APP: variants seen among roughly 807,000 people sequenced by gnomAD.
APP encodes the protein amyloid-beta precursor protein.
Under a neutral mutation model 101.4 loss-of-function variants are expected in APP, and 31 were observed. The ratio of observed to expected loss-of-function variants is 0.31; its 90% CI spans 0.23 to 0.41. The LOEUF (loss-of-function observed/expected upper bound fraction) is 0.41. Among genes scored for constraint, APP ranks in the 10% least tolerant of loss-of-function variants. The pLI is 1.00. For missense variants in APP, 839 were observed against 1,003.7 expected, an observed-to-expected ratio of 0.84 and a Z score of 2.22; for synonymous variants, 366 against 364.4, an observed-to-expected ratio of 1.00 and a Z score of -0.05.
At chr21:26,022,792 G>A (rs2044401862) in intron 5 of APP, among the ~76,000 whole-genome samples, 1 of 152,236 alleles carries the variant, frequency 6.6e-6, no homozygotes, top group Non-Finnish European at 1.5e-5. Context: ...TATGCTGGTG[G>A]AAATTGGTTT....
intron 13 of APP, among the ~76,000 whole-genome samples, chr21:25,946,290 C>T (rs896756456): frequency 2.0e-5 from 3 of 152,162 alleles, no homozygotes; most frequent in African/African-American, 7.2e-5. Context: ...ATACAACCTA[C>T]AGAATGGGTA....
At chr21:26,102,943 A>C (rs553426636) in intron 2 of APP, among the ~76,000 whole-genome samples, 1 of 149,940 alleles carries the variant, frequency 6.7e-6, no homozygotes, top group South Asian at 2.1e-4. Flanking sequence ...GTTGTATTCG[A>C]GTTGTTTCCA....
intron 14 of APP, among the ~76,000 whole-genome samples, chr21:25,911,431 AT>A (rs1421409582): frequency 1.1e-4 from 16 of 152,242 alleles, no homozygotes; most frequent in African/African-American, 3.6e-4. Flanking sequence ...TGCAAATGTT[AT>A]GTAAATCATT....
chr21:26,048,606 T>C (rs987824604), intron 5 of APP, among the ~76,000 whole-genome samples: 1 of 152,184 alleles, frequency 6.6e-6, no homozygotes, highest in Non-Finnish European at 1.5e-5. Flanking sequence ...CTAATATTTA[T>C]TGAGGACCTA....
chr21:26,060,850 T>C (rs973501748), intron 3 of APP, among the ~76,000 whole-genome samples: 28 of 152,098 alleles, frequency 1.8e-4, no homozygotes, highest in Admixed American at 1.8e-3. Flanking sequence ...AGTGCTGTCG[T>C]GGAGGAATGA....
intron 1 of APP, among the ~76,000 whole-genome samples, chr21:26,113,910 T>G (rs1320809727): frequency 6.6e-6 from 1 of 152,160 alleles, no homozygotes; most frequent in African/African-American, 2.4e-5. Flanking sequence ...CAAATAATAA[T>G]CAGATACCTG....
intron 2 of APP, among the ~76,000 whole-genome samples, chr21:26,097,016 T>A (rs907749808): frequency 5.3e-5 from 8 of 152,168 alleles, no homozygotes; most frequent in African/African-American, 1.7e-4. Flanking sequence ...TGCATTTGGA[T>A]TCTAGGAGAT....
intron 13 of APP, among the ~76,000 whole-genome samples, chr21:25,917,765 T>C (rs1009947342): frequency 6.6e-6 from 1 of 152,132 alleles, no homozygotes; most frequent in African/African-American, 2.4e-5. Context: ...GATCTGAATC[T>C]ATCCATCTGA....
At chr21:26,066,481 C>A (rs1330437295) in intron 3 of APP, among the ~76,000 whole-genome samples, 2 of 150,448 alleles carry the variant, frequency 1.3e-5, no homozygotes, top group Non-Finnish European at 3.0e-5. Flanking sequence ...CACCTCCACT[C>A]CCCATTCCCC....
intron 1 of APP, among the ~76,000 whole-genome samples, chr21:26,159,135 T>A (rs914156145): frequency 6.6e-6 from 1 of 151,782 alleles, no homozygotes; most frequent in Non-Finnish European, 1.5e-5. Flanking sequence ...TAGGCTGGAG[T>A]GCAGTGGCAC....
intron 3 of APP, among the ~76,000 whole-genome samples, chr21:26,072,147 A>C (rs959643927): frequency 6.6e-6 from 1 of 152,356 alleles, no homozygotes; most frequent in South Asian, 2.1e-4. Context: ...TGGTGTACCA[A>C]GTATGTACAA....
intron 3 of APP, among the ~76,000 whole-genome samples, chr21:26,087,590 G>A (rs1482001779): frequency 6.6e-6 from 1 of 152,202 alleles, no homozygotes; most frequent in Non-Finnish European, 1.5e-5. Context: ...GCCTTGGCAG[G>A]AATAAACTCC....
At chr21:25,891,625 T>C (rs745774335) in intron 17 of APP, 97 bp downstream of exon 17, 14 of 1,275,332 alleles carry the variant, frequency 1.1e-5, no homozygotes, top group Non-Finnish European at 1.6e-5. Context: ...GATTCGTTTT[T>C]TAAAAGAGAT....
intron 6 of APP, among the ~76,000 whole-genome samples, chr21:26,002,399 T>C (rs2043337917): frequency 6.6e-6 from 1 of 152,282 alleles, no homozygotes; most frequent in Non-Finnish European, 1.5e-5. Flanking sequence ...TCCCATCAAC[T>C]ATAGCCAGCA....
At chr21:25,984,987 T>C (rs1462935314) in intron 8 of APP, among the ~76,000 whole-genome samples, 1 of 152,180 alleles carries the variant, frequency 6.6e-6, no homozygotes, top group East Asian at 1.9e-4. Flanking sequence ...AGGAAATTTT[T>C]TCAGCTCCTA....
intron 13 of APP, among the ~76,000 whole-genome samples, chr21:25,951,167 A>G (rs2041059549): frequency 6.6e-6 from 1 of 152,222 alleles, no homozygotes; most frequent in Non-Finnish European, 1.5e-5. Flanking sequence ...CACAAGCATG[A>G]TGAACCCTAT....
chr21:26,158,021 C>A (rs1399818479), intron 1 of APP: 1 of 152,208 alleles, frequency 6.6e-6, no homozygotes, highest in Admixed American at 6.5e-5. Flanking sequence ...AGTTAACCAA[C>A]AGGGAGAGTA....
intron 13 of APP, among the ~76,000 whole-genome samples, chr21:25,922,996 T>C (rs1427626679): frequency 2.0e-5 from 3 of 148,570 alleles, no homozygotes; most frequent in Non-Finnish European, 3.0e-5. Context: ...AAGGCTACAG[T>C]AACCGAAACA....
At chr21:25,912,934 A>G (rs1396079775) in intron 13 of APP, among the ~76,000 whole-genome samples, 1 of 152,198 alleles carries the variant, frequency 6.6e-6, no homozygotes, top group East Asian at 1.9e-4. Flanking sequence ...TCTGATTTTT[A>G]CAAATTAGAG....
Sources: gnomAD v4.1 joint callset for allele counts (sites outside exome capture counted in the v4.1 genomes callset) on GRCh38, gnomAD v4.1.1 for gene constraint, MANE v1.5 for transcripts, NCBI Gene and HGNC (gene_info 2026-07-23, HGNC 2026-07-21) for gene names.